TDRD7: variants seen among roughly 807,000 people sequenced by gnomAD.
TDRD7 encodes the protein tudor domain-containing protein 7.
In TDRD7, 47 loss-of-function variants were observed where a neutral mutation model predicts 109.8. That is an observed-to-expected ratio of 0.43 (90% CI 0.34 to 0.55). The LOEUF is 0.55. TDRD7 is among the 20% of genes least tolerant of loss of function. TDRD7 has a pLI of 0.03. For missense variants in TDRD7, 1,164 were observed against 1,319.2 expected (o/e 0.88, Z 1.82); for synonymous variants, 424 against 457.3 (o/e 0.93, Z 0.93).
chr9:97,487,615 C>CTGCAT (rs1829234011), intron 16 of TDRD7, among the ~76,000 whole-genome samples: 1 of 152,014 alleles, frequency 6.6e-6, no homozygotes, highest in South Asian at 2.1e-4. Context: ...AGATATAATA[C>CTGCAT]TGCATTCTGC....
At chr9:97,430,199 C>T (rs1332726380) in intron 2 of TDRD7, among the ~76,000 whole-genome samples, 1 of 152,110 alleles carries the variant, frequency 6.6e-6, no homozygotes, top group Non-Finnish European at 1.5e-5. Flanking sequence ...GATATCATAT[C>T]ATACCAATTT....
chr9:97,478,412 A>C, intron 12 of TDRD7, 27 bp from the exon 13 acceptor site: 4 of 1,613,940 alleles, frequency 2.5e-6, no homozygotes, highest in Non-Finnish European at 3.4e-6. Context: ...TATGCTAATA[A>C]ATGAGCCAAC....
At chr9:97,492,637 TG>T (rs1453302179) in intron 16 of TDRD7, among the ~76,000 whole-genome samples, 1 of 152,198 alleles carries the variant, frequency 6.6e-6, no homozygotes, top group Admixed American at 6.5e-5. Context: ...TCCAAATACA[TG>T]AAAGTTTCTT....
chr9:97,439,177 G>A lies in TDRD7; in HGVS notation c.564-68G>A, dbSNP rs187603620. 301 of 1,192,352 alleles carry A rather than the reference G, an allele frequency of 2.5e-4. 3 individuals carry two copies. The East Asian group carries it at 6.0e-3, about 24-fold the overall frequency. The allele number at this position is 1,192,352 out of a possible 1,614,324, so 73.9% of individuals were successfully genotyped here. A position where few individuals can be genotyped will look rare whatever the true frequency, so the allele number is the denominator to read the frequency against. On this transcript the variant is annotated intron_variant, in intron 4 of 16. Transcript: ENST00000355295. ...ACTGAGACTTTAAATGAAAAGTGTAGTGTTTAAAACTTGGTATAGACTTTG... is the reference window on the plus strand; with the variant it reads ...ACTGAGACTTTAAATGAAAAGTGTAATGTTTAAAACTTGGTATAGACTTTG...
chr9:97,481,008 T>C, intron 14 of TDRD7, 70 bp downstream of exon 14: 1 of 1,347,956 alleles, frequency 7.4e-7, no homozygotes, highest in Non-Finnish European at 1.1e-6. Context: ...ATTTAGTTTT[T>C]GTGAAGGAAT....
intron 5 of TDRD7, 146 bp downstream of exon 5, chr9:97,439,464 A>C: frequency 1.4e-6 from 1 of 702,420 alleles, no homozygotes; most frequent in South Asian, 1.5e-5. Flanking sequence ...TGCATCATGA[A>C]TCAAAGTGAT....
In TDRD7 at chr9:97,460,467, C is replaced by A. The variant is rs775411557; in HGVS notation, c.1145C>A (p.Ala382Asp). ...KFPEDALKNLASLSDVCSIDY... is the reference protein window; with the variant it reads ...KFPEDALKNLDSLSDVCSIDY... The stretch of plus-strand genomic sequence containing the variant: ...CCTGAGGATGCCTTAAAAAATCTTG[C>A]CTCACTTTCTGATGTATGCAGCATA... Residue 382 changes from alanine (A) to aspartate (D), a missense_variant, in exon 7 of 17, where the codon GCC becomes GAC. Coordinates refer to ENST00000355295, the MANE Select transcript of TDRD7 (RefSeq NM_014290.3). 6.2e-7 allele frequency: 1 copy of A among 1,614,060 alleles called. No homozygotes were observed. The highest frequency in any genetic ancestry group is 8.5e-7 in the Non-Finnish European group (1 of 1,180,042).
intron 16 of TDRD7, among the ~76,000 whole-genome samples, chr9:97,492,776 G>C (rs1330778077): frequency 6.6e-6 from 1 of 152,056 alleles, no homozygotes; most frequent in Non-Finnish European, 1.5e-5. Flanking sequence ...AAATCTTCCT[G>C]GGTATCACAT....
chr9:97,428,819 T>C, intron 2 of TDRD7, 147 bp downstream of exon 2: 1 of 740,686 alleles, frequency 1.4e-6, no homozygotes, highest in Admixed American at 2.0e-5. Flanking sequence ...AAACAGCATG[T>C]AAAGCACAGC....
intron 11 of TDRD7, among the ~76,000 whole-genome samples, chr9:97,473,860 G>C (rs1328311918): frequency 6.6e-6 from 1 of 152,148 alleles, no homozygotes; most frequent in Non-Finnish European, 1.5e-5. Flanking sequence ...TACCCTATAG[G>C]ATTGTCCTGA....
At position 97,425,737 on chromosome 9, in the gene TDRD7, A is replaced by G. The variant is rs567236977; in HGVS notation, c.-6-2723A>G. Among the ~76,000 whole-genome samples the G allele has an allele frequency of 1.0e-3, 159 of 152,284 alleles. No individual in the cohort carries two copies. The South Asian group carries it at 0.015, about 15-fold the overall frequency. On this transcript the variant is annotated intron_variant, in intron 1 of 16. Coordinates refer to ENST00000355295, the MANE Select transcript of TDRD7 (RefSeq NM_014290.3). ...TGGTGATAATAATTTGAAAAGAGTTAATGTTTAGTAATGGAAGGTACATAA... is the reference window on the plus strand; with the variant it reads ...TGGTGATAATAATTTGAAAAGAGTTGATGTTTAGTAATGGAAGGTACATAA...
chr9:97,466,018 T>G (rs145027046), intron 8 of TDRD7, among the ~76,000 whole-genome samples: 1 of 152,292 alleles, frequency 6.6e-6, no homozygotes, highest in Non-Finnish European at 1.5e-5. Flanking sequence ...CTAAGATCTT[T>G]TGGTTTTCTC....
chr9:97,439,629 G>A (rs1828264626), intron 5 of TDRD7, among the ~76,000 whole-genome samples: 1 of 152,146 alleles, frequency 6.6e-6, no homozygotes. Flanking sequence ...GCACCCCTGA[G>A]ACTTCAGAGG....
At chr9:97,430,838 A>G (rs769596878) in intron 2 of TDRD7, 95 bp from the exon 3 acceptor site, 95 of 1,463,266 alleles carry the variant, frequency 6.5e-5, no homozygotes, top group Non-Finnish European at 8.8e-5. Context: ...GACTTGGGAT[A>G]TGTAGGCTCA....
chr9:97,450,334 C>G (rs1231804206), intron 6 of TDRD7, among the ~76,000 whole-genome samples: 3 of 152,158 alleles, frequency 2.0e-5, no homozygotes, highest in Non-Finnish European at 2.9e-5. Flanking sequence ...TGAGTCTTCT[C>G]CCACAGTAGA....
chr9:97,489,997 C>T (rs7851786), intron 16 of TDRD7, among the ~76,000 whole-genome samples: 45 of 152,192 alleles, frequency 3.0e-4, no homozygotes, highest in African/African-American at 1.0e-3. Flanking sequence ...ATTTACTTCA[C>T]TTACATATAA....
At chr9:97,429,078 C>T (rs529655040) in intron 2 of TDRD7, among the ~76,000 whole-genome samples, 1 of 152,284 alleles carries the variant, frequency 6.6e-6, no homozygotes, top group East Asian at 1.9e-4. Flanking sequence ...CAAGTCAATT[C>T]CTGCTATCTG....
At chr9:97,434,033 A>G (rs974672882) in intron 4 of TDRD7, among the ~76,000 whole-genome samples, 7 of 152,198 alleles carry the variant, frequency 4.6e-5, no homozygotes, top group African/African-American at 1.4e-4. Flanking sequence ...TGAAATCCGT[A>G]TATCAGTTGA....
chr9:97,489,824 T>G (rs1829271021), intron 16 of TDRD7, among the ~76,000 whole-genome samples: 2 of 152,200 alleles, frequency 1.3e-5, no homozygotes, highest in South Asian at 4.1e-4. Flanking sequence ...ATATCTCTAT[T>G]TTTTCCTTTT....
Sources: gnomAD v4.1 joint callset for allele counts (sites outside exome capture counted in the v4.1 genomes callset) on GRCh38, gnomAD v4.1.1 for gene constraint, MANE v1.5 for transcripts, NCBI Gene and HGNC (gene_info 2026-07-23, HGNC 2026-07-21) for gene names.